Variants in PRKCE observed in about 807,000 individuals in gnomAD.
PRKCE encodes protein kinase C epsilon type.
PRKCE carries 16 observed loss-of-function variants against 85.4 expected under a neutral mutation model. The observed-to-expected ratio is 0.19, with a 90% confidence interval of 0.13 to 0.28. PRKCE has a LOEUF of 0.28. PRKCE is among the 10% of genes least tolerant of loss of function. The probability of loss-of-function intolerance (pLI) is 1.00; values close to 1 mark genes in which losing one functional copy is unlikely to be tolerated. For missense variants in PRKCE, 573 were observed against 975.2 expected (o/e 0.59, Z 5.49); for synonymous variants, 388 against 371.5 (o/e 1.04, Z -0.51).
chr2:46,080,391 A>G (rs1362648319), intron 10 of PRKCE, among the ~76,000 whole-genome samples: 1 of 152,206 alleles, frequency 6.6e-6, no homozygotes, highest in Non-Finnish European at 1.5e-5. Context: ...TGAGTAGAAA[A>G]CAAGTTAAAA....
intron 10 of PRKCE, among the ~76,000 whole-genome samples, chr2:46,043,869 G>A (rs1708361188): frequency 6.6e-6 from 1 of 152,212 alleles, no homozygotes; most frequent in African/African-American, 2.4e-5. Context: ...TTGTTTAGGA[G>A]TCTCCTATTT....
chr2:45,731,836 T>C (rs1466212012), intron 1 of PRKCE, among the ~76,000 whole-genome samples: 1 of 152,082 alleles, frequency 6.6e-6, no homozygotes, highest in Non-Finnish European at 1.5e-5. Flanking sequence ...CAGGCTGGTC[T>C]TGAACTCCTG....
intron 1 of PRKCE, among the ~76,000 whole-genome samples, chr2:45,742,755 A>C (rs1682684863): frequency 6.6e-6 from 1 of 152,194 alleles, no homozygotes; most frequent in Non-Finnish European, 1.5e-5. Flanking sequence ...AAATCAGAGA[A>C]TGACCTTATG....
At chr2:45,867,093 A>G (rs1693675851) in intron 2 of PRKCE, among the ~76,000 whole-genome samples, 1 of 152,186 alleles carries the variant, frequency 6.6e-6, no homozygotes, top group Non-Finnish European at 1.5e-5. Context: ...ACATGTAGTC[A>G]GAGTTGAGCC....
At chr2:46,102,614 G>A (rs1671349002) in intron 11 of PRKCE, among the ~76,000 whole-genome samples, 1 of 152,052 alleles carries the variant, frequency 6.6e-6, no homozygotes, top group Non-Finnish European at 1.5e-5. Flanking sequence ...ATTACATTTA[G>A]TTGTCATGTC....
At chr2:46,154,357 C>T (rs1490055470) in intron 13 of PRKCE, among the ~76,000 whole-genome samples, 1 of 152,132 alleles carries the variant, frequency 6.6e-6, no homozygotes, top group Non-Finnish European at 1.5e-5. Flanking sequence ...GTGTTCTGGG[C>T]TGGGCCTCTC....
intron 2 of PRKCE, among the ~76,000 whole-genome samples, chr2:45,923,050 A>G (rs1698368095): frequency 6.6e-6 from 1 of 152,242 alleles, no homozygotes; most frequent in Non-Finnish European, 1.5e-5. Flanking sequence ...AAGGAAAGAA[A>G]CAGATACTGA....
intron 11 of PRKCE, among the ~76,000 whole-genome samples, chr2:46,099,500 A>T (rs1045690050): frequency 6.1e-5 from 9 of 146,594 alleles, no homozygotes; most frequent in Middle Eastern, 3.2e-3. Flanking sequence ...AAGGTATGGT[A>T]TTTTTTTTTT....
chr2:46,023,199 C>A (rs1706829056), intron 10 of PRKCE, among the ~76,000 whole-genome samples: 1 of 152,012 alleles, frequency 6.6e-6, no homozygotes, highest in Non-Finnish European at 1.5e-5. Context: ...GCCAGTTGGC[C>A]AACTGTTTGT....
At chr2:45,788,799 T>C (rs534816568) in intron 1 of PRKCE, among the ~76,000 whole-genome samples, 3 of 152,338 alleles carry the variant, frequency 2.0e-5, no homozygotes, top group African/African-American at 7.2e-5. Flanking sequence ...TCTCGGGATT[T>C]TTAGGTCTGA....
intron 10 of PRKCE, among the ~76,000 whole-genome samples, chr2:46,042,841 T>C (rs181085117): frequency 1.7e-3 from 254 of 152,346 alleles, no homozygotes; most frequent in Non-Finnish European, 2.2e-3. Context: ...GCATCCTTGT[T>C]CACAGGCACC....
chr2:46,090,870 T>C (rs1046517562), intron 11 of PRKCE, among the ~76,000 whole-genome samples: 1 of 152,128 alleles, frequency 6.6e-6, no homozygotes, highest in African/African-American at 2.4e-5. Flanking sequence ...TACAGGGAAT[T>C]TATGTGGGAG....
At chr2:45,999,939 A>G (rs1340255670) in intron 6 of PRKCE, among the ~76,000 whole-genome samples, 1 of 152,210 alleles carries the variant, frequency 6.6e-6, no homozygotes, top group African/African-American at 2.4e-5. Context: ...GATCTCTAGC[A>G]GTTCTTCTGA....
intron 2 of PRKCE, among the ~76,000 whole-genome samples, chr2:45,908,214 G>A (rs138370702): frequency 6.6e-6 from 1 of 152,186 alleles, no homozygotes; most frequent in Non-Finnish European, 1.5e-5. Flanking sequence ...TCTCATCATT[G>A]GCCCTATGGA....
intron 1 of PRKCE, among the ~76,000 whole-genome samples, chr2:45,744,445 CTTTCTTTCTTTCTTTCTTTCTTTCTT>C (rs1682888813): frequency 1.8e-5 from 1 of 54,066 alleles, no homozygotes; most frequent in African/African-American, 8.6e-5. Context: ...TTCTTTCTTT[CTTTCTTTCTTTCTTTCTTTCTTTCTT>C]TCTTTCTTTC....
rs957353706 is a variant in PRKCE, at chr2:45,697,655, C to T, written c.348+45207C>T. Among the ~76,000 whole-genome samples, 2 of 152,172 alleles carry T rather than the reference C, an allele frequency of 1.3e-5. No homozygotes were observed. Among genetic ancestry groups the T allele is most frequent in the African/African-American group, 4.8e-5 (2 of 41,446 alleles). ...GTGACATCCCTGCAGGTGCCATCTT[C>T]ACCTGAAGGCCCTTGGCTCCAACCT... On this transcript the variant is annotated intron_variant, in intron 1 of 14. Transcript: ENST00000306156. The surrounding 1 kb of genome is among the most constrained non-coding windows in gnomAD (Gnocchi z 4.2).
At chr2:45,864,273 G>A (rs538409302) in intron 2 of PRKCE, among the ~76,000 whole-genome samples, 477 of 152,282 alleles carry the variant, frequency 3.1e-3, no homozygotes, top group Non-Finnish European at 4.7e-3. Context: ...TTCTGGGAAC[G>A]CATTTTAAGG....
chr2:45,821,223 A>G (rs1285250471), intron 1 of PRKCE, among the ~76,000 whole-genome samples: 1 of 152,204 alleles, frequency 6.6e-6, no homozygotes, highest in East Asian at 1.9e-4. Context: ...TAAAAATATT[A>G]TTTATGTCTA....
chr2:46,137,972 C>T (rs983703231), intron 11 of PRKCE, among the ~76,000 whole-genome samples: 6 of 152,190 alleles, frequency 3.9e-5, no homozygotes, highest in East Asian at 3.8e-4. Flanking sequence ...CATTTTCCTA[C>T]CCTAATAAAT....
Sources: gnomAD v4.1 joint callset for allele counts (sites outside exome capture counted in the v4.1 genomes callset) on GRCh38, gnomAD v4.1.1 for gene constraint, Gnocchi (gnomAD v3.1) non-coding constraint, MANE v1.5 for transcripts, NCBI Gene and HGNC (gene_info 2026-07-23, HGNC 2026-07-21) for gene names.